The following PLD5 variants were observed in gnomAD, a reference collection of about 807,000 sequenced individuals.
PLD5 encodes the protein inactive phospholipase D5.
PLD5 carries 36 observed loss-of-function variants against 61.1 expected under a neutral mutation model. That is an observed-to-expected ratio of 0.59 (90% confidence interval 0.45 to 0.78). The LOEUF (loss-of-function observed/expected upper bound fraction) is 0.78. PLD5 is among the 30% of genes least tolerant of loss of function. The pLI, the probability that PLD5 is intolerant of heterozygous loss-of-function variation, is 0.00. For missense variants in PLD5, 515 were observed against 644.4 expected (o/e 0.80, Z 2.17); for synonymous variants, 243 against 242.8 (o/e 1.00, Z -0.01).
At chr1:242,487,786 AT>A (rs1434521016) in intron 1 of PLD5, among the ~76,000 whole-genome samples, 1 of 150,908 alleles carries the variant, frequency 6.6e-6, no homozygotes, top group Non-Finnish European at 1.5e-5. Flanking sequence ...ACATTAGAAG[AT>A]TTTCAACATT....
At chr1:242,156,190 T>C (rs1665352527) in intron 5 of PLD5, among the ~76,000 whole-genome samples, 1 of 152,118 alleles carries the variant, frequency 6.6e-6, no homozygotes, top group South Asian at 2.1e-4. Flanking sequence ...CTTTTTTTGC[T>C]TTCCATTTAC....
At chr1:242,485,364 A>G (rs1667923269) in intron 1 of PLD5, among the ~76,000 whole-genome samples, 1 of 152,314 alleles carries the variant, frequency 6.6e-6, no homozygotes, top group African/African-American at 2.4e-5. Context: ...ACTTCAGCAA[A>G]ATCTCAGGAT....
At chr1:242,513,224 G>A (rs2103003854) in intron 1 of PLD5, among the ~76,000 whole-genome samples, 1 of 152,180 alleles carries the variant, frequency 6.6e-6, no homozygotes, top group South Asian at 2.1e-4. Context: ...GCATTCATCT[G>A]GCAGGTAGCA....
intron 1 of PLD5, among the ~76,000 whole-genome samples, chr1:242,404,471 C>A (rs1664114495): frequency 6.6e-6 from 1 of 152,132 alleles, no homozygotes; most frequent in Non-Finnish European, 1.5e-5. Flanking sequence ...GCGTTTCTAG[C>A]TGGCTTCCAT....
At chr1:242,167,081 A>ATTAT in intron 5 of PLD5, among the ~76,000 whole-genome samples, 1 of 40,628 alleles carries the variant, frequency 2.5e-5, no homozygotes, top group Non-Finnish European at 6.9e-5. Flanking sequence ...AATAATAGTA[A>ATTAT]TAATAATAAT....
chr1:242,521,259 C>T (rs1316971187), intron 1 of PLD5, among the ~76,000 whole-genome samples: 2 of 152,188 alleles, frequency 1.3e-5, no homozygotes, highest in African/African-American at 4.8e-5. Context: ...AGATTGATTC[C>T]AATCCTCAAC....
chr1:242,112,323 G>GTGTGTGTGTA, intron 7 of PLD5, among the ~76,000 whole-genome samples: 2 of 80,632 alleles, frequency 2.5e-5, no homozygotes, highest in African/African-American at 1.4e-4. Context: ...GTGTGTGTGT[G>GTGTGTGTGTA]TATGTATGTA....
chr1:242,169,012 A>T (rs1439197855), intron 5 of PLD5, among the ~76,000 whole-genome samples: 1 of 152,028 alleles, frequency 6.6e-6, no homozygotes, highest in Non-Finnish European at 1.5e-5. Context: ...AAATGACTCC[A>T]TGGGGCTGGG....
chr1:242,207,020 C>T (rs1247572261), intron 5 of PLD5, among the ~76,000 whole-genome samples: 2 of 152,114 alleles, frequency 1.3e-5, no homozygotes, highest in Admixed American at 6.6e-5. Flanking sequence ...GAGGAGAATT[C>T]CTTCTTCTTT....
chr1:242,192,938 G>A (rs1353097110), intron 5 of PLD5, among the ~76,000 whole-genome samples: 2 of 151,790 alleles, frequency 1.3e-5, no homozygotes, highest in Non-Finnish European at 2.9e-5. Flanking sequence ...TATTCTTCTT[G>A]GAATTCTCTC....
At chr1:242,281,136 CAGTGGTTTTA>C (rs1274323096) in intron 3 of PLD5, among the ~76,000 whole-genome samples, 1 of 152,116 alleles carries the variant, frequency 6.6e-6, no homozygotes, top group African/African-American at 2.4e-5. Flanking sequence ...CCAAAACGTG[CAGTGGTTTTA>C]ATAGAAAATG....
intron 1 of PLD5, among the ~76,000 whole-genome samples, chr1:242,439,505 T>A (rs1666172850): frequency 6.6e-6 from 1 of 152,066 alleles, no homozygotes; most frequent in African/African-American, 2.4e-5. Flanking sequence ...TAGCCATGTG[T>A]CCAGGAAAAA....
At chr1:242,419,401 T>G (rs1665010104) in intron 1 of PLD5, among the ~76,000 whole-genome samples, 1 of 150,368 alleles carries the variant, frequency 6.7e-6, no homozygotes, top group Non-Finnish European at 1.5e-5. Context: ...TTTTTTTTTT[T>G]TTTTGGCGGG....
At chr1:242,352,082 C>G (rs1660509133) in intron 1 of PLD5, among the ~76,000 whole-genome samples, 1 of 152,186 alleles carries the variant, frequency 6.6e-6, no homozygotes, top group African/African-American at 2.4e-5. Context: ...GCTATACTCT[C>G]TTAATGATAC....
chr1:242,395,765 A>G (rs956611027), intron 1 of PLD5, among the ~76,000 whole-genome samples: 2 of 152,286 alleles, frequency 1.3e-5, no homozygotes, highest in South Asian at 2.1e-4. Flanking sequence ...AGAAGGGGCT[A>G]CTGGCTGGGT....
chr1:242,489,905 C>T (rs1668087450), intron 1 of PLD5, among the ~76,000 whole-genome samples: 1 of 152,200 alleles, frequency 6.6e-6, no homozygotes, highest in Non-Finnish European at 1.5e-5. Context: ...AATGAGCTTT[C>T]TTGAGATAGG....
chr1:242,239,498 A>G (rs1439678721), intron 4 of PLD5, among the ~76,000 whole-genome samples: 3 of 152,134 alleles, frequency 2.0e-5, no homozygotes, highest in Non-Finnish European at 2.9e-5. Flanking sequence ...TCTTTCCTTT[A>G]TGTGTGTGGC....
chr1:242,491,977 T>C (rs1668168159), intron 1 of PLD5, among the ~76,000 whole-genome samples: 1 of 152,218 alleles, frequency 6.6e-6, no homozygotes, highest in South Asian at 2.1e-4. Flanking sequence ...AGGCTTGAAA[T>C]TCACAATCCA....
intron 3 of PLD5, among the ~76,000 whole-genome samples, chr1:242,279,558 C>T (rs1005135499): frequency 2.6e-5 from 4 of 151,600 alleles, no homozygotes; most frequent in Admixed American, 6.6e-5. Flanking sequence ...TTTTCGAGAC[C>T]GAGTCTTGCT....
Sources: gnomAD v4.1 joint callset for allele counts (sites outside exome capture counted in the v4.1 genomes callset) on GRCh38, gnomAD v4.1.1 for gene constraint, MANE v1.5 for transcripts, NCBI Gene and HGNC (gene_info 2026-07-23, HGNC 2026-07-21) for gene names.